SMYD3: variants seen among roughly 807,000 people sequenced by gnomAD.
The protein encoded by SMYD3 is histone-lysine N-methyltransferase SMYD3.
SMYD3 carries 36 observed loss-of-function variants against 57.7 expected under a neutral mutation model. The ratio of observed to expected loss-of-function variants is 0.62; its 90% confidence interval spans 0.48 to 0.82. The LOEUF (loss-of-function observed/expected upper bound fraction) is 0.82, where lower values mean the gene tolerates loss of function less well. Among genes scored for constraint, SMYD3 ranks in the 40% least tolerant of loss-of-function variants. The pLI is 0.00. For missense variants in SMYD3, 515 were observed against 538.8 expected (o/e 0.96, Z 0.44); for synonymous variants, 211 against 195.0 (o/e 1.08, Z -0.68).
At chr1:246,186,486 C>A (rs1337374697) in intron 5 of SMYD3, among the ~76,000 whole-genome samples, 2 of 151,812 alleles carry the variant, frequency 1.3e-5, no homozygotes, top group Admixed American at 6.6e-5. Flanking sequence ...TTTTTTTAAT[C>A]ATTTCAAAGT....
At chr1:246,022,490 C>T (rs2059489534) in intron 5 of SMYD3, among the ~76,000 whole-genome samples, 1 of 152,114 alleles carries the variant, frequency 6.6e-6, no homozygotes, top group Non-Finnish European at 1.5e-5. Context: ...ACTTACATAA[C>T]CTCTGTAAAT....
chr1:246,440,628 T>C (rs966254195), intron 1 of SMYD3, among the ~76,000 whole-genome samples: 3 of 152,118 alleles, frequency 2.0e-5, no homozygotes, highest in South Asian at 4.1e-4. Context: ...TTTGGGGGCA[T>C]AAAAACTACG....
At chr1:245,968,757 C>T (rs1254815468) in intron 5 of SMYD3, among the ~76,000 whole-genome samples, 3 of 152,096 alleles carry the variant, frequency 2.0e-5, no homozygotes, top group Non-Finnish European at 4.4e-5. Flanking sequence ...ACACAAACCA[C>T]GCGTTTCCCA....
intron 5 of SMYD3, among the ~76,000 whole-genome samples, chr1:246,314,565 C>T (rs1362241315): frequency 6.6e-6 from 1 of 152,272 alleles, no homozygotes; most frequent in South Asian, 2.1e-4. Context: ...GTGATCAATC[C>T]GCCAATTGTC....
intron 1 of SMYD3, among the ~76,000 whole-genome samples, chr1:246,419,377 T>C (rs1289674244): frequency 6.6e-6 from 1 of 152,230 alleles, no homozygotes; most frequent in Non-Finnish European, 1.5e-5. Flanking sequence ...GTCCTCCCGA[T>C]GTCCGGCCAC....
chr1:245,793,649 C>T (rs910249060), intron 10 of SMYD3, among the ~76,000 whole-genome samples: 2 of 151,904 alleles, frequency 1.3e-5, no homozygotes, highest in Non-Finnish European at 2.9e-5. Context: ...CCCAGTGCCC[C>T]CCCAACTGCC....
chr1:246,408,206 C>T (rs1190440531), intron 1 of SMYD3, among the ~76,000 whole-genome samples: 2 of 152,138 alleles, frequency 1.3e-5, no homozygotes, highest in Non-Finnish European at 2.9e-5. Flanking sequence ...CTGACCACAA[C>T]AGGTAATAGA....
At chr1:245,939,322 T>C (rs1421695568) in intron 5 of SMYD3, among the ~76,000 whole-genome samples, 1 of 152,120 alleles carries the variant, frequency 6.6e-6, no homozygotes, top group Non-Finnish European at 1.5e-5. Flanking sequence ...ATTATAGAAG[T>C]ATCGGTTTAA....
At chr1:246,092,721 C>A (rs1299946813) in intron 5 of SMYD3, among the ~76,000 whole-genome samples, 8 of 151,946 alleles carry the variant, frequency 5.3e-5, no homozygotes, top group African/African-American at 1.9e-4. Flanking sequence ...TTGAGAAGAC[C>A]ACAAAAGCAC....
At chr1:245,923,309 A>G (rs2056121316) in intron 7 of SMYD3, among the ~76,000 whole-genome samples, 1 of 151,910 alleles carries the variant, frequency 6.6e-6, no homozygotes, top group Non-Finnish European at 1.5e-5. Flanking sequence ...AAAAAACAAG[A>G]AAATCTGGCC....
intron 11 of SMYD3, among the ~76,000 whole-genome samples, chr1:245,752,667 A>T (rs1239105302): frequency 6.6e-6 from 1 of 152,160 alleles, no homozygotes; most frequent in Non-Finnish European, 1.5e-5. Context: ...GAAGGGGCAG[A>T]CCTGCCCATC....
chr1:246,132,414 T>C (rs2061602462), intron 5 of SMYD3, among the ~76,000 whole-genome samples: 2 of 152,166 alleles, frequency 1.3e-5, no homozygotes, highest in South Asian at 4.1e-4. Flanking sequence ...GACAGTCTTT[T>C]TGACAAATGC....
intron 1 of SMYD3, among the ~76,000 whole-genome samples, chr1:246,469,745 C>A (rs188975792): frequency 2.0e-3 from 311 of 152,082 alleles, no homozygotes; most frequent in African/African-American, 7.2e-3. Context: ...CAGGTAAGAA[C>A]CAATCAATAA....
At chr1:246,395,888 G>C (rs780106163) in intron 1 of SMYD3, among the ~76,000 whole-genome samples, 1 of 152,122 alleles carries the variant, frequency 6.6e-6, no homozygotes, top group Non-Finnish European at 1.5e-5. Context: ...CCACCACCTA[G>C]TGAATAAGAA....
At chr1:246,071,985 A>G (rs12035309) in intron 5 of SMYD3, among the ~76,000 whole-genome samples, 39 of 99,036 alleles carry the variant, frequency 3.9e-4, no homozygotes, top group Middle Eastern at 5.7e-3. Context: ...TGTGCTTTCC[A>G]CTGTGCTCAC....
At chr1:245,878,597 C>T (rs929071597) in intron 8 of SMYD3, among the ~76,000 whole-genome samples, 3 of 152,126 alleles carry the variant, frequency 2.0e-5, no homozygotes, top group African/African-American at 7.2e-5. Flanking sequence ...ACAGCAGAGG[C>T]TTAGGAGGAT....
chr1:245,972,762 G>C (rs1345657437), intron 5 of SMYD3, among the ~76,000 whole-genome samples: 1 of 152,250 alleles, frequency 6.6e-6, no homozygotes, highest in East Asian at 1.9e-4. Context: ...GTGAAGGCCT[G>C]AGGGGCGGTG....
intron 10 of SMYD3, among the ~76,000 whole-genome samples, chr1:245,811,411 G>A (rs1389823766): frequency 6.6e-6 from 1 of 152,164 alleles, no homozygotes; most frequent in Non-Finnish European, 1.5e-5. Context: ...TTAACTATCT[G>A]TTATGCTTTC....
At chr1:246,469,569 A>C (rs776708860) in intron 1 of SMYD3, among the ~76,000 whole-genome samples, 2 of 152,158 alleles carry the variant, frequency 1.3e-5, no homozygotes, top group South Asian at 2.1e-4. Context: ...TCAGCATCAA[A>C]ATAAATAAGA....
Sources: allele counts gnomAD v4.1 joint callset (sites outside exome capture counted in the v4.1 genomes callset), GRCh38; gene constraint gnomAD v4.1.1; transcripts MANE v1.5; gene names NCBI Gene and HGNC (gene_info 2026-07-23, HGNC 2026-07-21).